The following APOH variants were observed in gnomAD, a reference collection of about 807,000 sequenced individuals.
The protein encoded by APOH is beta-2-glycoprotein 1.
In APOH, 48 loss-of-function variants were observed where a neutral mutation model predicts 39.8. The observed-to-expected ratio is 1.21, with a 90% CI of 0.96 to 1.54. The LOEUF (loss-of-function observed/expected upper bound fraction) is 1.54, where lower values mean the gene tolerates loss of function less well. Among genes scored for constraint, APOH ranks in the 40% most tolerant of loss-of-function variants. The probability of loss-of-function intolerance (pLI) is 0.00; values close to 1 mark genes in which losing one functional copy is unlikely to be tolerated. For synonymous variants in APOH, 153 were observed against 151.1 expected (o/e 1.01, Z -0.09); for missense variants, 415 against 421.2 (o/e 0.99, Z 0.13).
At chr17:66,224,393 T>A (rs1246761543) in intron 3 of APOH, among the ~76,000 whole-genome samples, 1 of 135,940 alleles carries the variant, frequency 7.4e-6, no homozygotes, top group Non-Finnish European at 1.5e-5. Context: ...CAAAAGGATT[T>A]AACCTGGGAG....
chr17:66,228,619 G>A, intron 1 of APOH: 1 of 155,236 alleles, frequency 6.4e-6, no homozygotes, highest in Non-Finnish European at 1.4e-5. Flanking sequence ...GGCTAACACG[G>A]TGAAACCCCG....
At chr17:66,217,173 A>C (rs1290768000) in intron 5 of APOH, among the ~76,000 whole-genome samples, 1 of 152,080 alleles carries the variant, frequency 6.6e-6, no homozygotes, top group East Asian at 1.9e-4. Context: ...AAACAACCAC[A>C]CTTTGAAAGT....
chr17:66,217,903 A>G (rs961939022), intron 5 of APOH, among the ~76,000 whole-genome samples: 1 of 152,078 alleles, frequency 6.6e-6, no homozygotes, highest in Non-Finnish European at 1.5e-5. Context: ...AGATTGCACC[A>G]TTATGCTCCA....
At chr17:66,224,406 C>T (rs2073421581) in intron 3 of APOH, among the ~76,000 whole-genome samples, 1 of 125,112 alleles carries the variant, frequency 8.0e-6, no homozygotes, top group East Asian at 2.9e-4. Flanking sequence ...CCTGGGAGGT[C>T]GAGGCTGCAG....
chr17:66,215,878 C>T (rs1300681885), intron 6 of APOH, among the ~76,000 whole-genome samples: 1 of 152,102 alleles, frequency 6.6e-6, no homozygotes, highest in African/African-American at 2.4e-5. Context: ...ATAGTTCCTG[C>T]CTTTCAGTTC....
At chr17:66,214,384 A>T in intron 7 of APOH, 69 bp downstream of exon 7, 1 of 1,441,450 alleles carries the variant, frequency 6.9e-7, no homozygotes, top group Non-Finnish European at 9.7e-7. Context: ...CAATCATTAT[A>T]GAACAAAGGC....
At position 66,226,136 on chromosome 17, in the gene APOH, A is replaced by G. The variant is rs776938651; in HGVS notation, c.242-12T>C. 1 of 1,582,734 alleles carries G rather than the reference A, an allele frequency of 6.3e-7. No homozygotes were observed. Among genetic ancestry groups the G allele is most frequent in the Admixed American group, 1.8e-5 (1 of 54,294 alleles). ...AGGACATACTCTGGCTGTGATACAA[A>G]GATAAAAAATGTTACTTTTCTTTGG... On this transcript the variant is annotated splice_polypyrimidine_tract_variant and intron_variant, in intron 2 of 7. Transcript: ENST00000205948.
Position 66,222,067 on chromosome 17 carries a change from G to A in APOH, c.416-1325C>T, listed in dbSNP as rs147418509. Among the ~76,000 whole-genome samples the A allele has an allele frequency of 4.8e-3, 728 of 152,268 alleles. 11 individuals are homozygous for A. Among genetic ancestry groups the A allele is most frequent in the African/African-American group, 0.016 (662 of 41,552 alleles). ...TTTAAATTAGATTAAAGCTCAAGCAGTCTTTCTATTTACAACCCTTTTGGA... is the reference window on the plus strand; with the variant it reads ...TTTAAATTAGATTAAAGCTCAAGCAATCTTTCTATTTACAACCCTTTTGGA... On this transcript the variant is annotated intron_variant, in intron 4 of 7. Transcript: ENST00000205948.
In APOH at chr17:66,226,969, A is replaced by C. The variant is rs372602710; in HGVS notation, c.242-845T>G. 9.9e-5 allele frequency among the ~76,000 whole-genome samples: 15 copies of C among 151,768 alleles called. No homozygotes were observed. The East Asian group carries it at 2.9e-3, about 29-fold the overall frequency. On this transcript the variant is annotated intron_variant, in intron 2 of 7. Coordinates refer to ENST00000205948, the MANE Select transcript of APOH (RefSeq NM_000042.3). Reference sequence around the variant, plus strand: ...AGTGGCACAATCTCAGCTCACTACAACCTCTGCCTCCCAGGTGATTCTCCT... The same window carrying C: ...AGTGGCACAATCTCAGCTCACTACACCCTCTGCCTCCCAGGTGATTCTCCT...
rs376106579 is a variant in APOH, at chr17:66,227,460, T to A, written c.241+560A>T. ...ATGCTAGCATGATATCATAGAACCA[T>A]GTTCTAAGAAATAAATAAAAGCAAC... On this transcript the variant is annotated intron_variant, in intron 2 of 7. Coordinates refer to ENST00000205948, the MANE Select transcript of APOH (RefSeq NM_000042.3). Among the ~76,000 whole-genome samples the A allele has an allele frequency of 6.6e-5, 10 of 152,166 alleles. 1 individual carries two copies. The East Asian group carries it at 1.5e-3, about 23-fold the overall frequency.
In APOH at chr17:66,216,946, G is replaced by C; in HGVS notation, c.626C>G (p.Ser209Ter). 6.2e-7 allele frequency: 1 copy of C among 1,601,530 alleles called. No individual in the cohort carries two copies. Among genetic ancestry groups the C allele is most frequent in the South Asian group, 1.1e-5 (1 of 88,260 alleles). ...ECREVKCPFP[S>*]RPDNGFVNYP... is the part of the protein sequence containing the mutation. ...GTTCACAAATCCATTGTCTGGTCTT[G>C]ATGGGAATGGGCATTTTACTTCTAA... Residue 209 changes from serine to a stop codon, truncating the protein, a stop_gained, in exon 6 of 8, where the codon TCA becomes TGA. Coordinates refer to ENST00000205948, the MANE Select transcript of APOH (RefSeq NM_000042.3). LOFTEE classifies it high-confidence loss of function.
chr17:66,229,266 C>T (rs181801755), intron 1 of APOH, 50 bp downstream of exon 1: 57 of 1,453,088 alleles, frequency 3.9e-5, no homozygotes, highest in Middle Eastern at 1.7e-4. Context: ...CTGACATATA[C>T]GAAGGGGTTG....
At position 66,226,139 on chromosome 17, in the gene APOH, T is replaced by TA. The variant is rs1310091447; in HGVS notation, c.242-16dup. On this transcript the variant is annotated splice_polypyrimidine_tract_variant and intron_variant, in intron 2 of 7. Transcript: ENST00000205948. ...ACATACTCTGGCTGTGATACAAAGA[T>TA]AAAAAATGTTACTTTTCTTTGGGCT... 8 of 1,564,462 alleles carry TA rather than the reference T, an allele frequency of 5.1e-6. No individual in the cohort carries two copies. The Admixed American group carries it at 7.6e-5, about 15-fold the overall frequency.
At chr17:66,223,092 T>G (rs1054884377) in intron 4 of APOH, among the ~76,000 whole-genome samples, 17 of 152,170 alleles carry the variant, frequency 1.1e-4, no homozygotes, top group African/African-American at 4.1e-4. Flanking sequence ...AATCAGCTCC[T>G]AGGATGCAAG....
intron 5 of APOH, among the ~76,000 whole-genome samples, chr17:66,218,960 A>G (rs1182673017): frequency 6.6e-6 from 1 of 152,118 alleles, no homozygotes; most frequent in African/African-American, 2.4e-5. Context: ...CAGTGAGCCA[A>G]AATTGCACCA....
chr17:66,220,315 T>A (rs1363843864), intron 5 of APOH, among the ~76,000 whole-genome samples: 3 of 152,230 alleles, frequency 2.0e-5, no homozygotes, highest in Non-Finnish European at 4.4e-5. Context: ...TATGGGAAGC[T>A]GTCCCAGGCA....
At position 66,224,492 on chromosome 17, in the gene APOH, G is replaced by GA. The variant is rs894031410; in HGVS notation, c.339-719dup. ...CTGTAAAAAAAAAAAAAAAAAAAAA[G>GA]AAAAGAAAAGAAGGAAAGGAAGGAA... On this transcript the variant is annotated intron_variant, in intron 3 of 7. Transcript: ENST00000205948. Among the ~76,000 whole-genome samples the GA allele has an allele frequency of 5.9e-4, 45 of 76,576 alleles. 1 individual carries two copies. Among genetic ancestry groups the GA allele is most frequent in the Middle Eastern group, 7.5e-3 (1 of 134 alleles). 50.2% of individuals were successfully genotyped at this position (76,576 alleles called of 152,430 possible).
At chr17:66,222,937 C>T (rs544797195) in intron 4 of APOH, among the ~76,000 whole-genome samples, 1 of 152,224 alleles carries the variant, frequency 6.6e-6, no homozygotes, top group Admixed American at 6.5e-5. Context: ...TATTGAAATG[C>T]CTGGGCCTCC....
intron 4 of APOH, among the ~76,000 whole-genome samples, 194 bp downstream of exon 4, chr17:66,223,503 TA>T (rs2073415315): frequency 1.3e-5 from 2 of 152,150 alleles, no homozygotes; most frequent in African/African-American, 4.8e-5. Flanking sequence ...TGTCCGTGAG[TA>T]AAATGCTTCC....
Sources: gnomAD v4.1 joint callset for allele counts (sites outside exome capture counted in the v4.1 genomes callset) on GRCh38, gnomAD v4.1.1 for gene constraint, MANE v1.5 for transcripts, NCBI Gene and HGNC (gene_info 2026-07-23, HGNC 2026-07-21) for gene names.